BCAR1: variants seen among roughly 807,000 people sequenced by gnomAD.
BCAR1 encodes the protein breast cancer anti-estrogen resistance protein 1.
Under a neutral mutation model 67.6 loss-of-function variants are expected in BCAR1, and 30 were observed. The observed-to-expected ratio is 0.44, with a 90% confidence interval of 0.33 to 0.60. The LOEUF is 0.60. Among genes scored for constraint, BCAR1 ranks in the 20% least tolerant of loss-of-function variants. The probability of loss-of-function intolerance (pLI) is 0.02; values close to 1 mark genes in which losing one functional copy is unlikely to be tolerated. For missense variants in BCAR1, 1,313 were observed against 1,222.3 expected (o/e 1.07, Z -1.11); for synonymous variants, 626 against 556.7 (o/e 1.12, Z -1.75).
intron 6 of BCAR1, 58 bp downstream of exon 6, chr16:75,233,788 C>G (rs1444303699): frequency 1.3e-6 from 2 of 1,521,920 alleles, no homozygotes; most frequent in Non-Finnish European, 1.8e-6. Flanking sequence ...AGGGCAAGAG[C>G]TGGGGGCTCA....
intron 2 of BCAR1, among the ~76,000 whole-genome samples, chr16:75,241,337 A>G (rs1288233544): frequency 2.6e-5 from 4 of 152,078 alleles, no homozygotes; most frequent in Non-Finnish European, 4.4e-5. Flanking sequence ...TGGTGTGTGC[A>G]TGGGTGTTCG....
intron 1 of BCAR1, chr16:75,247,707 G>A: frequency 3.6e-6 from 1 of 280,934 alleles, no homozygotes; most frequent in East Asian, 8.0e-5. Flanking sequence ...CAGGAGCAGG[G>A]CCAGCCCAAA....
chr16:75,240,812 A>C (rs1043265229), intron 2 of BCAR1, among the ~76,000 whole-genome samples: 1 of 152,232 alleles, frequency 6.6e-6, no homozygotes, highest in Non-Finnish European at 1.5e-5. Context: ...GGGCAGCTCT[A>C]CCAGTGGGCA....
intron 1 of BCAR1, among the ~76,000 whole-genome samples, chr16:75,245,003 A>G (rs961366115): frequency 6.6e-6 from 1 of 152,178 alleles, no homozygotes; most frequent in Non-Finnish European, 1.5e-5. Flanking sequence ...AAACTACACA[A>G]AAAGAAAAAA....
At chr16:75,266,908 G>T in intron 1 of BCAR1, 2 of 703,100 alleles carry the variant, frequency 2.8e-6, no homozygotes, top group Non-Finnish European at 4.0e-6. Context: ...GGGGACCTGG[G>T]GGCAGAAAGC....
chr16:75,235,489 C>G lies in BCAR1; in HGVS notation c.1410G>C (p.Val470=), dbSNP rs759302886. Residue 470 remains valine (V), a synonymous_variant, in exon 5 of 7, where the codon GTG becomes GTC. Transcript: ENST00000162330. ...CCAGAAGGTGGGCAACGGTGGCGCT[C>G]ACACCCTGCTGCAGCCGTGCCAGGG... ...VEALARLQQG[V]SATVAHLLDL... is the part of the protein sequence containing the mutation. The G allele has an allele frequency of 1.9e-6, 3 of 1,602,066 alleles. No individual in the cohort carries two copies. The East Asian group carries it at 6.8e-5, about 36-fold the overall frequency.
intron 1 of BCAR1, 127 bp downstream of exon 1, chr16:75,251,344 G>A (rs2077674327): frequency 2.3e-6 from 3 of 1,311,222 alleles, no homozygotes; most frequent in South Asian, 2.9e-5. Context: ...AGATCCCAGG[G>A]CCGCGGACCC....
At chr16:75,266,783 G>C in intron 1 of BCAR1, 10 of 1,441,700 alleles carry the variant, frequency 6.9e-6, no homozygotes, top group South Asian at 1.4e-5. Context: ...TGAGCATCTA[G>C]AGCAAGTGGG....
At chr16:75,234,584 C>T (rs2077032784) in intron 5 of BCAR1, among the ~76,000 whole-genome samples, 1 of 152,250 alleles carries the variant, frequency 6.6e-6, no homozygotes, top group Non-Finnish European at 1.5e-5. Context: ...CCACCACCTC[C>T]TGCTGCTCCC....
At chr16:75,266,735 G>C in intron 1 of BCAR1, 1 of 1,450,744 alleles carries the variant, frequency 6.9e-7, no homozygotes, top group Non-Finnish European at 9.2e-7. Flanking sequence ...AAGGACCAGG[G>C]GTCCGACCCC....
intron 1 of BCAR1, among the ~76,000 whole-genome samples, chr16:75,263,028 C>T (rs1344159435): frequency 6.6e-6 from 1 of 152,226 alleles, no homozygotes; most frequent in Non-Finnish European, 1.5e-5. Flanking sequence ...GGCTCCACCT[C>T]TCACTGGCCA....
intron 6 of BCAR1, among the ~76,000 whole-genome samples, chr16:75,231,200 G>A (rs540179135): frequency 3.6e-4 from 55 of 151,502 alleles, no homozygotes; most frequent in African/African-American, 1.2e-3. Context: ...GGGTTCAAGC[G>A]ATTCTCCTGC....
Position 75,235,350 on chromosome 16 carries a change from C to T in BCAR1, c.1549G>A (p.Glu517Lys), listed in dbSNP as rs200709299. 194 of 1,601,800 alleles carry T rather than the reference C, an allele frequency of 1.2e-4. 2 individuals are homozygous for T. Among genetic ancestry groups the T allele is most frequent in the Middle Eastern group, 8.2e-4 (5 of 6,068 alleles). ...GCGCTGCGGGCAAACTCCAACAGCT[C>T]GTGGACGGCACTCTGGACAGCGGCC... ...AVAAVQSAVH[E>K]LLEFARSAVG... is the part of the protein sequence containing the mutation. Residue 517 changes from glutamate to lysine, a missense_variant, in exon 5 of 7, where the codon GAG (glutamate) becomes AAG (lysine). Physicochemically the swap from Glu to Lys is moderately conservative, Grantham distance 56. Around this residue, in one of 2 missense-constraint regions of BCAR1, gnomAD observed 1,272 missense variants for 1,137.5 expected, o/e 1.12. Transcript: ENST00000162330.
chr16:75,257,244 G>T (rs1031217533), intron 1 of BCAR1, among the ~76,000 whole-genome samples: 1 of 152,106 alleles, frequency 6.6e-6, no homozygotes, highest in African/African-American at 2.4e-5. Context: ...TGGGCGGAGG[G>T]GGGTGACTTC....
chr16:75,264,473 C>T, intron 1 of BCAR1: 3 of 1,479,862 alleles, frequency 2.0e-6, no homozygotes, highest in Non-Finnish European at 2.7e-6. Flanking sequence ...GAGAGCAGAA[C>T]AGAAGAGAGG....
intron 6 of BCAR1, among the ~76,000 whole-genome samples, 181 bp downstream of exon 6, chr16:75,233,660 TTAAAA>T (rs2076980285): frequency 1.3e-5 from 2 of 152,068 alleles, no homozygotes; most frequent in African/African-American, 4.8e-5. Context: ...CTTGAAAACT[TTAAAA>T]TAAACCAAGT....
At chr16:75,234,064 C>T (rs1356932803) in intron 5 of BCAR1, 129 bp from the exon 6 acceptor site, 4 of 758,736 alleles carry the variant, frequency 5.3e-6, no homozygotes, top group Non-Finnish European at 8.9e-6. Flanking sequence ...CACACACGCA[C>T]ACGTGGACGC....
intron 6 of BCAR1, among the ~76,000 whole-genome samples, chr16:75,232,255 G>A (rs2076926253): frequency 1.3e-5 from 2 of 151,990 alleles, no homozygotes; most frequent in African/African-American, 4.8e-5. Context: ...CCGCCTCCTG[G>A]GTTCAAATGA....
At chr16:75,231,804 G>T (rs115156411) in intron 6 of BCAR1, among the ~76,000 whole-genome samples, 1 of 152,220 alleles carries the variant, frequency 6.6e-6, no homozygotes, top group Non-Finnish European at 1.5e-5. Flanking sequence ...CAAAGTACAC[G>T]ACCACTTCTG....
Sources: gnomAD v4.1 joint callset for allele counts (sites outside exome capture counted in the v4.1 genomes callset) on GRCh38, gnomAD v4.1.1 for gene constraint, gnomAD v4.1.1 regional missense constraint, MANE v1.5 for transcripts, NCBI Gene and HGNC (gene_info 2026-07-23, HGNC 2026-07-21) for gene names.